Variants in CCDC12 observed in about 807,000 individuals in gnomAD.
CCDC12 encodes the protein coiled-coil domain-containing protein 12.
CCDC12 carries 28 observed loss-of-function variants against 25.7 expected under a neutral mutation model. The observed-to-expected ratio is 1.09, with a 90% CI of 0.81 to 1.50. The LOEUF is 1.50. Among genes scored for constraint, CCDC12 ranks in the 40% most tolerant of loss-of-function variants. The pLI, the probability that CCDC12 is intolerant of heterozygous loss-of-function variation, is 0.00. For synonymous variants in CCDC12, 75 were observed against 87.7 expected (o/e 0.86, Z 0.81); for missense variants, 198 against 210.0 (o/e 0.94, Z 0.35).
At chr3:46,980,636 G>A (rs1184960458), upstream of CCDC12, among the ~76,000 whole-genome samples, 2 of 152,102 alleles carry the variant, frequency 1.3e-5, no homozygotes, top group East Asian at 1.9e-4. Flanking sequence ...AGGGAGGCCC[G>A]TTCCTCCTGA....
At chr3:46,970,744 C>G (rs1189016496) in intron 1 of CCDC12, among the ~76,000 whole-genome samples, 1 of 152,198 alleles carries the variant, frequency 6.6e-6, no homozygotes, top group African/African-American at 2.4e-5. Context: ...TTTAGAGAGC[C>G]TCCATTTGGC....
intron 1 of CCDC12, among the ~76,000 whole-genome samples, chr3:46,971,232 C>A (rs1369993510): frequency 6.6e-6 from 1 of 152,292 alleles, no homozygotes; most frequent in Non-Finnish European, 1.5e-5. Context: ...CTTCCTCAGG[C>A]TCTGCCTGGC....
chr3:46,932,056 G>C (rs373414811), intron 2 of CCDC12, among the ~76,000 whole-genome samples: 27 of 152,132 alleles, frequency 1.8e-4, no homozygotes, highest in African/African-American at 6.3e-4. Flanking sequence ...ATGAAAATGA[G>C]GGGAGAGGCA....
intron 1 of CCDC12, among the ~76,000 whole-genome samples, chr3:46,941,451 G>A (rs2033701006): frequency 6.6e-6 from 1 of 152,062 alleles, no homozygotes; most frequent in African/African-American, 2.4e-5. Flanking sequence ...TGTAGTCCCA[G>A]CTATTCGGGA....
Position 46,921,917 on chromosome 3 carries a change from T to G in CCDC12, c.*140A>C. ...GCAGACAAGGAGCTGACCTCATCCA[T>G]GGGGGTTTCAGACTTGATGGGCAGG... On this transcript the variant is annotated 3_prime_UTR_variant, in exon 7 of 7. Transcript: ENST00000683445. 4 of 835,798 alleles carry G rather than the reference T, an allele frequency of 4.8e-6. No homozygotes were observed. Among genetic ancestry groups the G allele is most frequent in the Non-Finnish European group, 7.5e-6 (4 of 529,830 alleles). The allele number at this position is 835,798 out of a possible 1,614,324, so 51.8% of individuals were successfully genotyped here. A position where few individuals can be genotyped will look rare whatever the true frequency, so the allele number is the denominator to read the frequency against.
At chr3:46,962,434 CAAAAAAAA>C (rs33969115) in intron 1 of CCDC12, among the ~76,000 whole-genome samples, 8 of 63,182 alleles carry the variant, frequency 1.3e-4, no homozygotes, top group South Asian at 1.3e-3. Flanking sequence ...AACTCTATCT[CAAAAAAAA>C]AAAAAAAAAA....
chr3:46,951,304 T>C (rs533335612), intron 1 of CCDC12, among the ~76,000 whole-genome samples: 5 of 152,076 alleles, frequency 3.3e-5, no homozygotes, highest in Non-Finnish European at 7.4e-5. Context: ...AGGGAGCTAC[T>C]GCACAGCATG....
At chr3:46,936,405 AG>A (rs2033442897) in intron 2 of CCDC12, among the ~76,000 whole-genome samples, 3 of 152,200 alleles carry the variant, frequency 2.0e-5, no homozygotes, top group African/African-American at 7.2e-5. Flanking sequence ...CTCTCTCGGG[AG>A]GACCTCACGG....
At chr3:46,973,328 G>A (rs915510187) in intron 1 of CCDC12, among the ~76,000 whole-genome samples, 3 of 149,842 alleles carry the variant, frequency 2.0e-5, no homozygotes, top group Non-Finnish European at 3.0e-5. Flanking sequence ...ACTCCAGCCT[G>A]GGCAACAAGA....
In CCDC12 at chr3:46,966,375, C is replaced by T. The variant is rs577569191; in HGVS notation, c.96+10262G>A. On this transcript the variant is annotated intron_variant, in intron 1 of 6. Coordinates refer to ENST00000683445, the MANE Select transcript of CCDC12 (RefSeq NM_001277074.2). Reference sequence around the variant, plus strand: ...TAAAAATACAAAAATTAGCCGGGCGCGGTGACACACACCTATAATCCCAGC... The same window carrying T: ...TAAAAATACAAAAATTAGCCGGGCGTGGTGACACACACCTATAATCCCAGC... Among the ~76,000 whole-genome samples the T allele has an allele frequency of 3.5e-4, 53 of 152,046 alleles. No individual in the cohort carries two copies. The South Asian group carries it at 0.01, about 29-fold the overall frequency.
intron 1 of CCDC12, among the ~76,000 whole-genome samples, chr3:46,970,485 A>G (rs1424306621): frequency 6.6e-6 from 1 of 152,202 alleles, no homozygotes; most frequent in Non-Finnish European, 1.5e-5. Flanking sequence ...AGTACTAGAC[A>G]GTGCAGATTA....
At chr3:46,962,956 A>G (rs916683680) in intron 1 of CCDC12, among the ~76,000 whole-genome samples, 3 of 152,234 alleles carry the variant, frequency 2.0e-5, no homozygotes, top group Non-Finnish European at 2.9e-5. Flanking sequence ...GAAAATCCAG[A>G]GGAGAATGGA....
At chr3:46,975,688 G>A (rs979718125) in intron 1 of CCDC12, among the ~76,000 whole-genome samples, 1 of 151,446 alleles carries the variant, frequency 6.6e-6, no homozygotes, top group African/African-American at 2.4e-5. Context: ...CCGCCACCAC[G>A]CCCGGCTAAT....
chr3:46,923,414 G>A, intron 4 of CCDC12, 51 bp from the exon 5 acceptor site: 1 of 1,556,068 alleles, frequency 6.4e-7, no homozygotes, highest in Non-Finnish European at 8.7e-7. Flanking sequence ...CCCAGGACAA[G>A]GGGGAGGGCA....
chr3:46,949,385 T>C (rs2034027760), intron 1 of CCDC12, among the ~76,000 whole-genome samples: 1 of 152,126 alleles, frequency 6.6e-6, no homozygotes, highest in African/African-American at 2.4e-5. Flanking sequence ...AAATAACCTC[T>C]TGAAAGGTCA....
At chr3:46,947,108 T>C (rs1329936636) in intron 1 of CCDC12, among the ~76,000 whole-genome samples, 1 of 152,178 alleles carries the variant, frequency 6.6e-6, no homozygotes, top group Non-Finnish European at 1.5e-5. Flanking sequence ...GTACGCCTGC[T>C]ATAATGTCCA....
At chr3:46,975,564 T>C (rs2034948319) in intron 1 of CCDC12, among the ~76,000 whole-genome samples, 1 of 146,476 alleles carries the variant, frequency 6.8e-6, no homozygotes, top group African/African-American at 2.5e-5. Context: ...GGAGTCTCGC[T>C]CTGTCGCCCA....
At chr3:46,922,435 C>G in intron 5 of CCDC12, 123 bp from the exon 6 acceptor site, 1 of 1,047,966 alleles carries the variant, frequency 9.5e-7, no homozygotes, top group Non-Finnish European at 1.5e-6. Flanking sequence ...GGGGGCTGCC[C>G]TGGGGAAGAG....
At chr3:46,937,787 T>TAG (rs2033511525) in intron 2 of CCDC12, among the ~76,000 whole-genome samples, 1 of 152,206 alleles carries the variant, frequency 6.6e-6, no homozygotes, top group African/African-American at 2.4e-5. Flanking sequence ...AGTCTAAAGT[T>TAG]ACGTCCACAT....
Sources: allele counts gnomAD v4.1 joint callset (sites outside exome capture counted in the v4.1 genomes callset), GRCh38; gene constraint gnomAD v4.1.1; transcripts MANE v1.5; gene names NCBI Gene and HGNC (gene_info 2026-07-23, HGNC 2026-07-21).